The following LNPEP variants were observed in gnomAD, a reference collection of about 807,000 sequenced individuals.
LNPEP encodes leucyl and cystinyl aminopeptidase.
LNPEP carries 64 observed loss-of-function variants against 120.6 expected under a neutral mutation model. The observed-to-expected ratio is 0.53, with a 90% CI of 0.43 to 0.65. The LOEUF (loss-of-function observed/expected upper bound fraction) is 0.65. Ranked by LOEUF, LNPEP falls within the 30% of genes least tolerant of loss-of-function variation. The pLI is 0.00. For synonymous variants in LNPEP, 435 were observed against 425.4 expected, an observed-to-expected ratio of 1.02 and a Z score of -0.28; for missense variants, 1,057 against 1,200.0, an observed-to-expected ratio of 0.88 and a Z score of 1.76.
chr5:97,019,920 A>G (rs1791151124), intron 13 of LNPEP, among the ~76,000 whole-genome samples: 1 of 152,284 alleles, frequency 6.6e-6, no homozygotes, highest in Non-Finnish European at 1.5e-5. Context: ...AGGTATGTCA[A>G]GTGGGATCCC....
chr5:96,960,408 A>C (rs2112579691), intron 1 of LNPEP, among the ~76,000 whole-genome samples: 1 of 152,342 alleles, frequency 6.6e-6, no homozygotes, highest in Non-Finnish European at 1.5e-5. Flanking sequence ...AACTTGGTTC[A>C]ATGTAGAAAT....
At chr5:96,980,614 A>G (rs1790099696) in intron 2 of LNPEP, among the ~76,000 whole-genome samples, 2 of 152,204 alleles carry the variant, frequency 1.3e-5, no homozygotes, top group Non-Finnish European at 2.9e-5. Context: ...CTTAGCATTC[A>G]TAGCATGTAG....
At chr5:96,937,966 G>A (rs1788959120) in intron 1 of LNPEP, among the ~76,000 whole-genome samples, 1 of 152,190 alleles carries the variant, frequency 6.6e-6, no homozygotes, top group Non-Finnish European at 1.5e-5. Flanking sequence ...GAGACAGCTT[G>A]GCAGTGCATA....
intron 6 of LNPEP, 29 bp from the exon 7 acceptor site, chr5:96,996,361 T>C: frequency 8.2e-7 from 1 of 1,220,866 alleles, no homozygotes. Context: ...GTAAATATCC[T>C]GTGGGTTAAT....
At chr5:96,976,684 C>T (rs952259526) in intron 1 of LNPEP, among the ~76,000 whole-genome samples, 2 of 151,864 alleles carry the variant, frequency 1.3e-5, no homozygotes, top group Non-Finnish European at 2.9e-5. Flanking sequence ...GGGCAAATGC[C>T]TGAGAGCATA....
chr5:96,954,747 CACAT>C (rs1166577357), intron 1 of LNPEP, among the ~76,000 whole-genome samples: 1 of 43,086 alleles, frequency 2.3e-5, no homozygotes, highest in Admixed American at 3.4e-4. Context: ...TATATATATA[CACAT>C]ATATATATAT....
At chr5:96,962,898 T>A (rs1477773144) in intron 1 of LNPEP, 1 of 152,110 alleles carries the variant, frequency 6.6e-6, no homozygotes, top group Non-Finnish European at 1.5e-5. Flanking sequence ...TTGGTTTTAC[T>A]TTTTCAGTGT....
At chr5:96,975,247 C>T (rs1452670148) in intron 1 of LNPEP, among the ~76,000 whole-genome samples, 6 of 152,144 alleles carry the variant, frequency 3.9e-5, no homozygotes, top group Non-Finnish European at 8.8e-5. Context: ...ATATATCCTA[C>T]ACTGAATGCC....
intron 1 of LNPEP, among the ~76,000 whole-genome samples, chr5:96,966,638 A>T: frequency 6.6e-6 from 1 of 151,854 alleles, no homozygotes; most frequent in South Asian, 2.1e-4. Flanking sequence ...TCTCAAAGGT[A>T]AAATGTGGAT....
In LNPEP at chr5:96,998,013, G is replaced by T; in HGVS notation, c.1522-1G>T. ...ATTCTAATCTTTTCATTTTTTGACA[G>T]TATGAAGATTTCTTAGATGCTCGAT... On this transcript the variant is annotated splice_acceptor_variant, in intron 7 of 17. Coordinates refer to ENST00000231368, the MANE Select transcript of LNPEP (RefSeq NM_005575.3). LOFTEE classifies it high-confidence loss of function. 6.4e-7 allele frequency: 1 copy of T among 1,551,356 alleles called. No individual in the cohort carries two copies. The highest frequency in any genetic ancestry group is 8.8e-7 in the Non-Finnish European group (1 of 1,138,114).
intron 12 of LNPEP, among the ~76,000 whole-genome samples, 176 bp downstream of exon 12, chr5:97,014,007 C>T (rs895964418): frequency 4.6e-5 from 7 of 151,984 alleles, no homozygotes; most frequent in Non-Finnish European, 8.8e-5. Flanking sequence ...ACATTAGCTA[C>T]GAACATACTG....
chr5:96,997,610 A>T (rs1432057203), intron 7 of LNPEP, among the ~76,000 whole-genome samples: 2 of 152,142 alleles, frequency 1.3e-5, no homozygotes, highest in Non-Finnish European at 2.9e-5. Context: ...TCTAGACTAT[A>T]TATAAGAAAT....
intron 1 of LNPEP, among the ~76,000 whole-genome samples, chr5:96,969,306 A>C (rs1300243748): frequency 6.6e-6 from 1 of 151,414 alleles, no homozygotes; most frequent in Admixed American, 6.6e-5. Context: ...TTTAAATAGC[A>C]GTTCTGTAGT....
At chr5:96,996,831 C>G (rs1166176788) in intron 7 of LNPEP, among the ~76,000 whole-genome samples, 1 of 151,830 alleles carries the variant, frequency 6.6e-6, no homozygotes, top group Admixed American at 6.6e-5. Flanking sequence ...GTTGCAAAGT[C>G]TAATTAAAAT....
At chr5:96,993,360 C>G (rs1168215844) in intron 5 of LNPEP, among the ~76,000 whole-genome samples, 1 of 152,096 alleles carries the variant, frequency 6.6e-6, no homozygotes, top group African/African-American at 2.4e-5. Context: ...TAAAAAGGTG[C>G]TGTATAAGTG....
At chr5:96,985,042 G>A in intron 2 of LNPEP, 38 bp from the exon 3 acceptor site, 1 of 1,609,878 alleles carries the variant, frequency 6.2e-7, no homozygotes, top group East Asian at 2.2e-5. Context: ...TACAGTAGGT[G>A]CTCAGTAACT....
In LNPEP at chr5:97,032,784, T is replaced by C. The variant is rs894370532; in HGVS notation, c.*4251T>C. ...GATAAAACGCGGTGGTCCAAAAGCA[T>C]GACAGATGTCCCCTTTGCGTTTCTC... On this transcript the variant is annotated 3_prime_UTR_variant, in exon 18 of 18. Coordinates refer to ENST00000231368, the MANE Select transcript of LNPEP (RefSeq NM_005575.3). The C allele has an allele frequency of 1.3e-5, 2 of 150,578 alleles. No homozygotes were observed. Among genetic ancestry groups the C allele is most frequent in the African/African-American group, 4.9e-5 (2 of 40,862 alleles). 9.3% of individuals were successfully genotyped at this position (150,578 alleles called of 1,614,324 possible).
intron 1 of LNPEP, chr5:96,937,072 G>A (rs1163072028): frequency 6.6e-6 from 1 of 152,242 alleles, no homozygotes; most frequent in Non-Finnish European, 1.5e-5. Flanking sequence ...AAGATAGAAA[G>A]TAGGAAAACT....
chr5:96,962,133 G>A (rs1329631356), intron 1 of LNPEP, among the ~76,000 whole-genome samples: 1 of 152,166 alleles, frequency 6.6e-6, no homozygotes, highest in Admixed American at 6.5e-5. Flanking sequence ...CTCTTTAGTT[G>A]TGATGTAGAG....
Sources: gnomAD v4.1 joint callset for allele counts (sites outside exome capture counted in the v4.1 genomes callset) on GRCh38, gnomAD v4.1.1 for gene constraint, MANE v1.5 for transcripts, NCBI Gene and HGNC (gene_info 2026-07-23, HGNC 2026-07-21) for gene names.